Variants in FBXO15 observed in about 807,000 individuals in gnomAD.
FBXO15 encodes F-box only protein 15.
A neutral mutation model predicts 49.5 loss-of-function variants in FBXO15; 30 were observed. The observed-to-expected ratio is 0.61, with a 90% CI of 0.45 to 0.82. FBXO15 has a LOEUF of 0.82. FBXO15 is among the 40% of genes least tolerant of loss of function. FBXO15 has a pLI of 0.00. For missense variants in FBXO15, 591 were observed against 631.5 expected, an observed-to-expected ratio of 0.94 and a Z score of 0.69; for synonymous variants, 250 against 232.7, an observed-to-expected ratio of 1.07 and a Z score of -0.68.
chr18:74,081,153 A>C (rs1216044262), intron 9 of FBXO15, among the ~76,000 whole-genome samples: 1 of 152,222 alleles, frequency 6.6e-6, no homozygotes. Context: ...ACAGTGCTTC[A>C]TGATAACACC....
At chr18:74,144,527 C>T (rs1349817229) in intron 1 of FBXO15, among the ~76,000 whole-genome samples, 1 of 152,144 alleles carries the variant, frequency 6.6e-6, no homozygotes, top group African/African-American at 2.4e-5. Context: ...AGCAACAGAA[C>T]TCTTGCAAAG....
At chr18:74,111,528 A>G (rs1357934217) in intron 8 of FBXO15, among the ~76,000 whole-genome samples, 2 of 152,104 alleles carry the variant, frequency 1.3e-5, no homozygotes, top group African/African-American at 4.8e-5. Context: ...GGGAGGCAGT[A>G]AAAGCAGTGC....
rs1301243360 is a variant in FBXO15, at chr18:74,085,600, C to CAA, written c.1139-3551_1139-3550dup. Among the ~76,000 whole-genome samples the CAA allele has an allele frequency of 3.3e-5, 5 of 151,478 alleles. No individual in the cohort carries two copies. The South Asian group carries it at 1.0e-3, about 32-fold the overall frequency. On this transcript the variant is annotated intron_variant, in intron 8 of 9. Transcript: ENST00000419743. Reference sequence around the variant, plus strand: ...AGAGTGAGACTCCGTCTCAAAACAACAAAAAAAAGACACACAGATCAATAA... The same window carrying CAA: ...AGAGTGAGACTCCGTCTCAAAACAACAAAAAAAAAAGACACACAGATCAATAA...
chr18:74,087,192 C>T (rs1912780567), intron 8 of FBXO15, among the ~76,000 whole-genome samples: 1 of 152,194 alleles, frequency 6.6e-6, no homozygotes, highest in African/African-American at 2.4e-5. Context: ...ATGTTGATGG[C>T]TGATGACTGA....
chr18:74,145,311 T>TA (rs1203232790), intron 1 of FBXO15, among the ~76,000 whole-genome samples: 1 of 151,978 alleles, frequency 6.6e-6, no homozygotes, highest in Admixed American at 6.5e-5. Context: ...TTCACACTTT[T>TA]AAAACGTCAA....
At chr18:74,103,861 T>A (rs577850955) in intron 8 of FBXO15, among the ~76,000 whole-genome samples, 2 of 152,272 alleles carry the variant, frequency 1.3e-5, no homozygotes, top group East Asian at 1.9e-4. Flanking sequence ...ACCTATCTTA[T>A]AAGAAATGCT....
intron 1 of FBXO15, among the ~76,000 whole-genome samples, chr18:74,145,824 T>G (rs1176206265): frequency 6.6e-6 from 1 of 152,106 alleles, no homozygotes; most frequent in Non-Finnish European, 1.5e-5. Context: ...GGTCTCGATC[T>G]CCTCACCTCC....
chr18:74,100,785 T>C (rs1041024177), intron 8 of FBXO15, among the ~76,000 whole-genome samples: 1 of 152,118 alleles, frequency 6.6e-6, no homozygotes, highest in Non-Finnish European at 1.5e-5. Flanking sequence ...AACACCTTTA[T>C]GCACATAAAC....
At chr18:74,142,247 C>T (rs1409890755) in intron 1 of FBXO15, among the ~76,000 whole-genome samples, 1 of 152,082 alleles carries the variant, frequency 6.6e-6, no homozygotes, top group African/African-American at 2.4e-5. Flanking sequence ...TTGCAATACC[C>T]TCTCCTCCTT....
chr18:74,138,566 C>A (rs1331161346), intron 2 of FBXO15, among the ~76,000 whole-genome samples: 1 of 152,078 alleles, frequency 6.6e-6, no homozygotes, highest in Non-Finnish European at 1.5e-5. Flanking sequence ...CTTCCCCACC[C>A]TTTCCCTAAG....
chr18:74,084,773 C>T (rs555008140), intron 8 of FBXO15, among the ~76,000 whole-genome samples: 1 of 152,118 alleles, frequency 6.6e-6, no homozygotes, highest in Non-Finnish European at 1.5e-5. Context: ...TCATTCCAAA[C>T]CCTGCTCAGC....
At chr18:74,103,258 G>A (rs1913603292) in intron 8 of FBXO15, among the ~76,000 whole-genome samples, 2 of 151,850 alleles carry the variant, frequency 1.3e-5, no homozygotes, top group Middle Eastern at 3.4e-3. Context: ...CTCAAAAACA[G>A]AATGGATCAA....
chr18:74,087,303 T>C (rs2145117930), intron 8 of FBXO15, among the ~76,000 whole-genome samples: 1 of 152,280 alleles, frequency 6.6e-6, no homozygotes, highest in South Asian at 2.1e-4. Flanking sequence ...AACCGCATGT[T>C]GCAGGGGTTT....
chr18:74,130,857 C>A, intron 3 of FBXO15, 199 bp from the exon 4 acceptor site: 2 of 535,284 alleles, frequency 3.7e-6, no homozygotes, highest in Non-Finnish European at 3.1e-6. Context: ...CCACCAAAAA[C>A]ACATTTTAAA....
At chr18:74,097,157 C>A (rs1913315510) in intron 8 of FBXO15, 1 of 152,250 alleles carries the variant, frequency 6.6e-6, no homozygotes, top group African/African-American at 2.4e-5. Context: ...GCCAGAGGAA[C>A]TGGGAAAAGA....
intron 8 of FBXO15, among the ~76,000 whole-genome samples, chr18:74,093,141 C>G (rs1296192159): frequency 6.6e-6 from 1 of 151,660 alleles, no homozygotes; most frequent in Non-Finnish European, 1.5e-5. Context: ...TGGACAACAG[C>G]AACAGGCGGG....
Position 74,147,665 on chromosome 18 carries a change from G to C in FBXO15, c.116+5C>G. Reference sequence around the variant, plus strand: ...GGGGACCCCACCCGCAGGCCCTACAGTCACCTGCACCCAAAGGCCCTGGCG... The same window carrying C: ...GGGGACCCCACCCGCAGGCCCTACACTCACCTGCACCCAAAGGCCCTGGCG... On this transcript the variant is annotated splice_donor_5th_base_variant and intron_variant, in intron 1 of 9. Coordinates refer to ENST00000419743, the MANE Select transcript of FBXO15 (RefSeq NM_001142958.2). 1 of 1,453,890 alleles carries C rather than the reference G, an allele frequency of 6.9e-7. No homozygotes were observed. Among genetic ancestry groups the C allele is most frequent in the Non-Finnish European group, 9.0e-7 (1 of 1,107,728 alleles). The allele number at this position is 1,453,890 out of a possible 1,614,324, so 90.1% of individuals were successfully genotyped here.
intron 1 of FBXO15, chr18:74,147,460 G>T: frequency 8.3e-7 from 1 of 1,201,896 alleles, no homozygotes; most frequent in African/African-American, 1.6e-5. Context: ...ATTTCCCCGA[G>T]AGGCTACTCT....
rs1914705195 is a variant in FBXO15 at position 74,126,221 on chromosome 18, C to T, written c.786-120G>A. 10 of 1,344,992 alleles carry T rather than the reference C, an allele frequency of 7.4e-6. No individual in the cohort carries two copies. In the South Asian group the frequency reaches 1.3e-4, roughly 18 times the overall value. 83.3% of individuals were successfully genotyped at this position (1,344,992 alleles called of 1,614,324 possible). A position where few individuals can be genotyped will look rare whatever the true frequency, so the allele number is the denominator to read the frequency against. The stretch of plus-strand genomic sequence containing the variant: ...AGAGCATGTTAATGATGTGCTCAAA[C>T]TAAGTGGCATGTTGGCAGGGTGAGG... On this transcript the variant is annotated intron_variant, in intron 5 of 9. Transcript: ENST00000419743.
Sources: allele counts gnomAD v4.1 joint callset (sites outside exome capture counted in the v4.1 genomes callset), GRCh38; gene constraint gnomAD v4.1.1; transcripts MANE v1.5; gene names NCBI Gene and HGNC (gene_info 2026-07-23, HGNC 2026-07-21).